CRABP2: variants seen among roughly 807,000 people sequenced by gnomAD.
CRABP2 encodes cellular retinoic acid-binding protein 2.
A neutral mutation model predicts 17.9 loss-of-function variants in CRABP2; 20 were observed. The ratio of observed to expected loss-of-function variants is 1.12; its 90% CI spans 0.79 to 1.63. CRABP2 has a LOEUF of 1.63. CRABP2 is among the 40% of genes most tolerant of loss of function. The pLI is 0.00. For missense variants in CRABP2, 151 were observed against 168.6 expected (o/e 0.90, Z 0.58); for synonymous variants, 76 against 66.4 (o/e 1.14, Z -0.70).
chr1:156,702,498 C>T (rs1245725733), intron 1 of CRABP2, among the ~76,000 whole-genome samples: 4 of 151,728 alleles, frequency 2.6e-5, no homozygotes, highest in Non-Finnish European at 4.4e-5. Context: ...AACGACCTGG[C>T]GCAGTGGCCC....
intron 1 of CRABP2, among the ~76,000 whole-genome samples, chr1:156,701,640 C>G (rs1430129206): frequency 6.6e-6 from 1 of 152,078 alleles, no homozygotes; most frequent in Non-Finnish European, 1.5e-5. Context: ...TTCTGCCCCA[C>G]AGCAATGAAA....
chr1:156,704,204 G>A (rs1258394438), intron 1 of CRABP2, among the ~76,000 whole-genome samples: 5 of 152,190 alleles, frequency 3.3e-5, no homozygotes, highest in Non-Finnish European at 7.3e-5. Context: ...AGACTGATAT[G>A]ACTCCAAGAA....
chr1:156,702,772 CAAAAAAAA>C (rs56302238), intron 1 of CRABP2, among the ~76,000 whole-genome samples: 2 of 79,828 alleles, frequency 2.5e-5, no homozygotes, highest in East Asian at 6.8e-4. Flanking sequence ...AACTCTGTCT[CAAAAAAAA>C]AAAAAAAAAA....
chr1:156,705,285 CCT>C lies in CRABP2; in HGVS notation c.70+90_70+91del. 1 of 1,408,172 alleles carries C rather than the reference CCT, an allele frequency of 7.1e-7. No homozygotes were observed. The highest frequency in any genetic ancestry group is 2.3e-5 in the East Asian group (1 of 43,806). The allele number at this position is 1,408,172 out of a possible 1,614,324, so 87.2% of individuals were successfully genotyped here. A position where few individuals can be genotyped will look rare whatever the true frequency, so the allele number is the denominator to read the frequency against. ...GATGCAGGCACCCAGTGTCTCACGC[CCT>C]GATTGTGGTCCCGCTGTCTTTCTCA... On this transcript the variant is annotated intron_variant, in intron 1 of 3. Coordinates refer to ENST00000368222, the MANE Select transcript of CRABP2 (RefSeq NM_001878.4). This position sits in a 1 kb window ranked among gnomAD's most constrained non-coding sequence, Gnocchi z 5.2.
rs11549892 is a variant in CRABP2, at chr1:156,700,894, C to T, written c.229G>A (p.Val77Met). 3.2e-5 allele frequency: 51 copies of T among 1,613,918 alleles called. 1 individual carries two copies. In the East Asian group the frequency reaches 1.1e-3, roughly 36 times the overall value. ...KVGEEFEEQTVDGRPCKSLVK... is the reference protein window; with the variant it reads ...KVGEEFEEQTMDGRPCKSLVK... Reference sequence around the variant, plus strand: ...CTCACCTTACAGGGCCTCCCATCCACAGTCTGCTCCTCAAACTCCTCCCCA... The same window carrying T: ...CTCACCTTACAGGGCCTCCCATCCATAGTCTGCTCCTCAAACTCCTCCCCA... The change falls in exon 2 of 4, where the codon GTG (valine) becomes ATG (methionine). Residue 77 changes from valine (V) to methionine (M), a missense_variant. By Grantham distance (21) the Val-to-Met change is conservative. Transcript: ENST00000368222.
At chr1:156,702,041 G>A (rs1412054522) in intron 1 of CRABP2, among the ~76,000 whole-genome samples, 1 of 152,148 alleles carries the variant, frequency 6.6e-6, no homozygotes. Context: ...TACTCAGGAG[G>A]CTGAGGCAGG....
Position 156,699,864 on chromosome 1 carries a change from A to G in CRABP2, c.*162T>C, listed in dbSNP as rs1647973434. On this transcript the variant is annotated 3_prime_UTR_variant, in exon 4 of 4. Coordinates refer to ENST00000368222, the MANE Select transcript of CRABP2 (RefSeq NM_001878.4). Reference sequence around the variant, plus strand: ...GTGTAGGGGAGGAGAGAAGAGGTCAAAGAAAGCAAGACCCTGCAAGAGGCA... The same window carrying G: ...GTGTAGGGGAGGAGAGAAGAGGTCAGAGAAAGCAAGACCCTGCAAGAGGCA... 6.0e-6 allele frequency: 4 copies of G among 670,476 alleles called. No individual in the cohort carries two copies. The highest frequency in any genetic ancestry group is 1.0e-5 in the Non-Finnish European group (4 of 392,356). 41.5% of individuals were successfully genotyped at this position (670,476 alleles called of 1,614,324 possible). A position where few individuals can be genotyped will look rare whatever the true frequency, so the allele number is the denominator to read the frequency against.
rs764322383 is a variant in CRABP2 at position 156,705,389 on chromosome 1, G to T, written c.58C>A (p.Leu20Ile). 2 of 1,613,958 alleles carry T rather than the reference G, an allele frequency of 1.2e-6. No individual in the cohort carries two copies. Among genetic ancestry groups the T allele is most frequent in the Non-Finnish European group, 1.7e-6 (2 of 1,180,014 alleles). ...IIRSENFEEL[L>I]KVLGVNVMLR... ...AACATTTCCTTACCCAGCACTTTGA[G>T]CAATTCCTCGAAGTTTTCCGATCGG... Residue 20 changes from leucine to isoleucine, a missense_variant, in exon 1 of 4, where the codon CTC becomes ATC. Leu to Ile is a conservative substitution (Grantham distance 5). Transcript: ENST00000368222. This position sits in a 1 kb window ranked among gnomAD's most constrained non-coding sequence, Gnocchi z 5.2.
rs376770080 is a variant in CRABP2, at chr1:156,699,953, C to T, written c.*73G>A. ...GCTATCCTAGAAGGAGGGGGTGGGA[C>T]GGAGGGGGCAGTGAAGCAGGGCGGT... On this transcript the variant is annotated 3_prime_UTR_variant, in exon 4 of 4. Coordinates refer to ENST00000368222, the MANE Select transcript of CRABP2 (RefSeq NM_001878.4). 36 of 1,490,938 alleles carry T rather than the reference C, an allele frequency of 2.4e-5. No individual in the cohort carries two copies. Among genetic ancestry groups the T allele is most frequent in the African/African-American group, 2.8e-5 (2 of 71,484 alleles). The allele number at this position is 1,490,938 out of a possible 1,614,324, so 92.4% of individuals were successfully genotyped here.
intron 1 of CRABP2, among the ~76,000 whole-genome samples, chr1:156,701,923 GA>G (rs1471381937): frequency 6.6e-6 from 1 of 151,758 alleles, no homozygotes; most frequent in African/African-American, 2.4e-5. Context: ...TGGATTGTTT[GA>G]GCTCAGGAGT....
intron 1 of CRABP2, among the ~76,000 whole-genome samples, chr1:156,702,139 A>C (rs976545939): frequency 6.6e-6 from 1 of 152,004 alleles, no homozygotes; most frequent in Non-Finnish European, 1.5e-5. Flanking sequence ...TGACAGAGAG[A>C]GACCCTGTCT....
Position 156,700,014 on chromosome 1 carries a change from A to T in CRABP2, c.*12T>A, listed in dbSNP as rs756461639. ...AGTGGTGGGCTTCGGCCGCGGTTCT[A>T]CCTGTGGCCACTCACTCTCGGACGT... On this transcript the variant is annotated 3_prime_UTR_variant, in exon 4 of 4. Coordinates refer to ENST00000368222, the MANE Select transcript of CRABP2 (RefSeq NM_001878.4). 5 of 1,612,082 alleles carry T rather than the reference A, an allele frequency of 3.1e-6. No individual in the cohort carries two copies.
At chr1:156,703,838 A>T (rs1469015763) in intron 1 of CRABP2, among the ~76,000 whole-genome samples, 1 of 152,194 alleles carries the variant, frequency 6.6e-6, no homozygotes, top group African/African-American at 2.4e-5. Flanking sequence ...CAGAGGAGAC[A>T]TCCTTTCAGC....
chr1:156,701,084 G>A, intron 1 of CRABP2, 32 bp from the exon 2 acceptor site: 1 of 1,606,428 alleles, frequency 6.2e-7, no homozygotes, highest in Non-Finnish European at 8.5e-7. Context: ...TCACCTTTTA[G>A]GGGCCTTTGG....
upstream of CRABP2, chr1:156,705,670 C>G (rs535349449): frequency 1.2e-5 from 6 of 482,984 alleles, no homozygotes; most frequent in East Asian, 9.6e-5. The surrounding 1 kb of genome is among the most constrained non-coding windows in gnomAD (Gnocchi z 5.2). Flanking sequence ...CCCGCTCCGC[C>G]CCCCCCCACC....
upstream of CRABP2, chr1:156,705,653 CCCGCCTCCCGCT>C: frequency 2.0e-6 from 1 of 491,372 alleles, no homozygotes; most frequent in South Asian, 3.6e-5. This position sits in a 1 kb window ranked among gnomAD's most constrained non-coding sequence, Gnocchi z 5.2. Context: ...TTGAAGTGGC[CCCGCCTCCCGCT>C]CCGCCCCCCC....
intron 1 of CRABP2, among the ~76,000 whole-genome samples, chr1:156,701,673 C>T (rs1476809520): frequency 3.9e-5 from 6 of 152,142 alleles, no homozygotes; most frequent in African/African-American, 1.2e-4. Flanking sequence ...AGCTGCTTCC[C>T]TCTACAGAAT....
upstream of CRABP2, chr1:156,705,681 TG>T: frequency 8.4e-6 from 4 of 474,962 alleles, no homozygotes; most frequent in Non-Finnish European, 7.5e-6. The surrounding 1 kb of genome is among the most constrained non-coding windows in gnomAD (Gnocchi z 5.2). Context: ...CCCCCCCACC[TG>T]GGGGGCCCTG....
chr1:156,702,539 G>A (rs940104927), intron 1 of CRABP2, among the ~76,000 whole-genome samples: 11 of 152,174 alleles, frequency 7.2e-5, no homozygotes, highest in Middle Eastern at 3.4e-3. Flanking sequence ...TTAGGAGGCC[G>A]AGGTGGGTGG....
Sources: gnomAD v4.1 joint callset for allele counts (sites outside exome capture counted in the v4.1 genomes callset) on GRCh38, gnomAD v4.1.1 for gene constraint, Gnocchi (gnomAD v3.1) non-coding constraint, MANE v1.5 for transcripts, NCBI Gene and HGNC (gene_info 2026-07-23, HGNC 2026-07-21) for gene names.